Variants in RASAL2 observed in about 807,000 individuals in gnomAD.
The protein encoded by RASAL2 is ras GTPase-activating protein nGAP.
A neutral mutation model predicts 128.9 loss-of-function variants in RASAL2; 58 were observed. The ratio of observed to expected loss-of-function variants is 0.45; its 90% confidence interval spans 0.36 to 0.56. The LOEUF is 0.56. Among genes scored for constraint, RASAL2 ranks in the 20% least tolerant of loss-of-function variants. The probability of loss-of-function intolerance (pLI) is 0.00; values close to 1 mark genes in which losing one functional copy is unlikely to be tolerated. For synonymous variants in RASAL2, 561 were observed against 580.8 expected, an observed-to-expected ratio of 0.97 and a Z score of 0.49; for missense variants, 1,360 against 1,601.6, an observed-to-expected ratio of 0.85 and a Z score of 2.57.
intron 1 of RASAL2, among the ~76,000 whole-genome samples, chr1:178,150,934 T>A (rs1660892645): frequency 6.6e-6 from 1 of 152,184 alleles, no homozygotes; most frequent in African/African-American, 2.4e-5. Context: ...TTTGTGCTTT[T>A]TCTTGGTGAT....
chr1:178,453,515 T>C (rs1475253684), intron 11 of RASAL2, among the ~76,000 whole-genome samples: 12 of 152,104 alleles, frequency 7.9e-5, no homozygotes, highest in Non-Finnish European at 1.6e-4. Flanking sequence ...TTTCAACTTT[T>C]CTGTAGGTTT....
intron 1 of RASAL2, among the ~76,000 whole-genome samples, chr1:178,156,936 T>C (rs1483383917): frequency 6.6e-6 from 1 of 152,190 alleles, no homozygotes; most frequent in African/African-American, 2.4e-5. Context: ...CCCAGATCAA[T>C]AATGTATTAT....
At chr1:178,229,657 A>G (rs1446819805) in intron 1 of RASAL2, among the ~76,000 whole-genome samples, 1 of 152,050 alleles carries the variant, frequency 6.6e-6, no homozygotes, top group Non-Finnish European at 1.5e-5. Context: ...TCACTTGCTC[A>G]TTGATTGATT....
At chr1:178,400,336 G>A (rs964765568) in intron 4 of RASAL2, among the ~76,000 whole-genome samples, 2 of 152,082 alleles carry the variant, frequency 1.3e-5, no homozygotes, top group Non-Finnish European at 2.9e-5. Context: ...TTCTGCCCAG[G>A]AAGTCTACCT....
chr1:178,282,227 T>C (rs1666816514), intron 1 of RASAL2, among the ~76,000 whole-genome samples: 1 of 152,162 alleles, frequency 6.6e-6, no homozygotes, highest in African/African-American at 2.4e-5. Flanking sequence ...GACCTTGAAT[T>C]ATCTTTGGGG....
Position 178,452,472 on chromosome 1 carries a change from AC to A in RASAL2, c.1831del (p.Arg611ValfsTer45). Reference sequence around the variant, plus strand: ...GCATCATGGAAGCAGCAGTGCCTGAACCGTGGCAAGCAAGACATCAGCGAGA... The same window carrying A: ...GCATCATGGAAGCAGCAGTGCCTGAACGTGGCAAGCAAGACATCAGCGAGA... ...VFASWKQQCL[N>X]RGKQDISERL... On this transcript the variant is annotated frameshift_variant, in exon 11 of 18. Coordinates refer to ENST00000367649, the MANE Select transcript of RASAL2 (RefSeq NM_170692.4). LOFTEE classifies it high-confidence loss of function. 1 of 1,614,066 alleles carries A rather than the reference AC, an allele frequency of 6.2e-7. No homozygotes were observed. Among genetic ancestry groups the A allele is most frequent in the Non-Finnish European group, 8.5e-7 (1 of 1,179,954 alleles).
intron 3 of RASAL2, chr1:178,372,100 G>A (rs1671751528): frequency 1.1e-6 from 1 of 897,874 alleles, no homozygotes; most frequent in Non-Finnish European, 1.3e-6. Flanking sequence ...GTGGAGGGAG[G>A]ATCACATTTT....
chr1:178,209,005 G>T (rs1349127435), intron 1 of RASAL2, among the ~76,000 whole-genome samples: 2 of 151,814 alleles, frequency 1.3e-5, no homozygotes, highest in African/African-American at 2.4e-5. Flanking sequence ...TGATCGTATG[G>T]TACTTTGGTT....
In RASAL2 at chr1:178,439,453, C is replaced by T. The variant is rs756589898; in HGVS notation, c.706C>T (p.Arg236Cys). ...SRGLPKLKES[R>C]SHESLLSPCS... Reference sequence around the variant, plus strand: ...TGGGCTGCCTAAACTAAAAGAGTCACGTTCCCATGAATCCTTGCTGAGCCC... The same window carrying T: ...TGGGCTGCCTAAACTAAAAGAGTCATGTTCCCATGAATCCTTGCTGAGCCC... The change falls in exon 6 of 18, where the codon CGT becomes TGT. Residue 236 changes from arginine (R) to cysteine (C), a missense_variant. Physicochemically the swap from Arg to Cys is radical, Grantham distance 180. Around this residue, in one of 3 missense-constraint regions of RASAL2, gnomAD observed 617 missense variants for 714.2 expected, o/e 0.86. Coordinates refer to ENST00000367649, the MANE Select transcript of RASAL2 (RefSeq NM_170692.4). The T allele has an allele frequency of 4.3e-6, 7 of 1,611,332 alleles. No homozygotes were observed. The highest frequency in any genetic ancestry group is 3.3e-5 in the South Asian group (3 of 90,606).
At chr1:178,131,401 T>TTTTTTTG (rs1660112268) in intron 1 of RASAL2, among the ~76,000 whole-genome samples, 1 of 147,998 alleles carries the variant, frequency 6.8e-6, no homozygotes, top group African/African-American at 2.5e-5. Flanking sequence ...TTTTTTTTTT[T>TTTTTTTG]GTGGAGACAG....
intron 14 of RASAL2, among the ~76,000 whole-genome samples, chr1:178,463,329 A>G (rs567373063): frequency 2.2e-4 from 34 of 152,334 alleles, no homozygotes; most frequent in African/African-American, 6.7e-4. Context: ...AGAAAGCACT[A>G]ATGTTCAATA....
intron 1 of RASAL2, among the ~76,000 whole-genome samples, chr1:178,197,014 T>C (rs1367987480): frequency 1.3e-5 from 2 of 152,134 alleles, no homozygotes; most frequent in Non-Finnish European, 1.5e-5. Context: ...ACCTTGACAT[T>C]ACCTATTAAA....
chr1:178,201,350 G>A (rs1662863021), intron 1 of RASAL2, among the ~76,000 whole-genome samples: 1 of 152,164 alleles, frequency 6.6e-6, no homozygotes, highest in Non-Finnish European at 1.5e-5. Context: ...AATCTCCCTT[G>A]GTTTAATGTA....
At chr1:178,407,560 G>A (rs1298867969) in intron 4 of RASAL2, among the ~76,000 whole-genome samples, 2 of 152,174 alleles carry the variant, frequency 1.3e-5, no homozygotes, top group African/African-American at 2.4e-5. Context: ...GTCCTTTCTA[G>A]TTGACAGGGT....
At position 178,166,981 on chromosome 1, in the gene RASAL2, A is replaced by G. The variant is rs1333234787; in HGVS notation, c.202+72287A>G. 2.6e-5 allele frequency among the ~76,000 whole-genome samples: 4 copies of G among 152,166 alleles called. No homozygotes were observed. In the East Asian group the frequency reaches 7.7e-4, roughly 29 times the overall value. ...AGTTAACTTTCAGTCATTTACATGG[A>G]TTTTCACAGAGTTTTATTAAAGTTC... is the stretch of plus-strand genomic sequence containing the variant. On this transcript the variant is annotated intron_variant, in intron 1 of 17. Transcript: ENST00000367649.
At chr1:178,102,943 C>T (rs1297705730) in intron 1 of RASAL2, among the ~76,000 whole-genome samples, 1 of 152,008 alleles carries the variant, frequency 6.6e-6, no homozygotes, top group African/African-American at 2.4e-5. Context: ...AAGTGGGATC[C>T]AAGAAATCTA....
chr1:178,253,480 A>T (rs566373020), intron 1 of RASAL2, among the ~76,000 whole-genome samples: 2 of 152,272 alleles, frequency 1.3e-5, no homozygotes, highest in East Asian at 3.9e-4. Context: ...AATTGTCTGT[A>T]TGTAGTTTCA....
At chr1:178,295,792 G>C (rs12140109) in intron 2 of RASAL2, among the ~76,000 whole-genome samples, 49 of 152,270 alleles carry the variant, frequency 3.2e-4, no homozygotes, top group Admixed American at 2.8e-3. Context: ...AAGGAAATAA[G>C]AAAGTTGAGG....
intron 17 of RASAL2, 21 bp from the exon 18 acceptor site, chr1:178,473,054 G>A (rs1648416972): frequency 3.1e-6 from 5 of 1,613,582 alleles, no homozygotes; most frequent in Admixed American, 1.7e-5. Context: ...CCTGAATAAA[G>A]CCATGATTGG....
Sources: gnomAD v4.1 joint callset for allele counts (sites outside exome capture counted in the v4.1 genomes callset) on GRCh38, gnomAD v4.1.1 for gene constraint, gnomAD v4.1.1 regional missense constraint, MANE v1.5 for transcripts, NCBI Gene and HGNC (gene_info 2026-07-23, HGNC 2026-07-21) for gene names.